AKAP13: variants seen among roughly 807,000 people sequenced by gnomAD.
AKAP13 encodes A-kinase anchor protein 13.
A neutral mutation model predicts 264.5 loss-of-function variants in AKAP13; 80 were observed. The observed-to-expected ratio is 0.30, with a 90% CI of 0.25 to 0.36. The LOEUF is 0.36. Ranked by LOEUF, AKAP13 falls within the 10% of genes least tolerant of loss-of-function variation. The pLI, the probability that AKAP13 is intolerant of heterozygous loss-of-function variation, is 1.00. For synonymous variants in AKAP13, 1,380 were observed against 1,250.2 expected (o/e 1.10, Z -2.19); for missense variants, 3,712 against 3,435.2 (o/e 1.08, Z -2.01).
At chr15:85,471,138 C>G (rs531742825) in intron 1 of AKAP13, among the ~76,000 whole-genome samples, 2 of 152,254 alleles carry the variant, frequency 1.3e-5, no homozygotes, top group African/African-American at 4.8e-5. Flanking sequence ...CACAATGACA[C>G]AAAGCATTAC....
Position 85,747,299 on chromosome 15 carries a change from T to C in AKAP13, c.*2622T>C, listed in dbSNP as rs894378158. 1.3e-5 allele frequency: 2 copies of C among 152,416 alleles called. No homozygotes were observed. Among genetic ancestry groups the C allele is most frequent in the African/African-American group, 4.8e-5 (2 of 41,460 alleles). 9.4% of individuals were successfully genotyped at this position (152,416 alleles called of 1,614,324 possible). A position where few individuals can be genotyped will look rare whatever the true frequency, so the allele number is the denominator to read the frequency against. On this transcript the variant is annotated 3_prime_UTR_variant, in exon 37 of 37. Transcript: ENST00000394518. ...TGTCCTGGGGATTTACCTGGGATGGTGGCTGCCTGTGCTTTTGCTCATGGC... is the reference window on the plus strand; with the variant it reads ...TGTCCTGGGGATTTACCTGGGATGGCGGCTGCCTGTGCTTTTGCTCATGGC...
chr15:85,636,098 T>C (rs2082060342), intron 8 of AKAP13, among the ~76,000 whole-genome samples: 1 of 152,220 alleles, frequency 6.6e-6, no homozygotes, highest in South Asian at 2.1e-4. Context: ...AACAATGTTT[T>C]ATAAAGGTTT....
intron 4 of AKAP13, chr15:85,534,966 T>G (rs1447938784): frequency 6.6e-6 from 1 of 152,190 alleles, no homozygotes; most frequent in Non-Finnish European, 1.5e-5. Flanking sequence ...ACCAAAATGT[T>G]TATTACTGAT....
In AKAP13 at chr15:85,679,022, C is replaced by T. The variant is rs139284593; in HGVS notation, c.5102-3136C>T. Among the ~76,000 whole-genome samples, 562 of 152,014 alleles carry T rather than the reference C, an allele frequency of 3.7e-3. 3 individuals carry two copies. Among genetic ancestry groups the T allele is most frequent in the Non-Finnish European group, 5.9e-3 (403 of 67,956 alleles). On this transcript the variant is annotated intron_variant, in intron 14 of 36. Coordinates refer to ENST00000394518, the MANE Select transcript of AKAP13 (RefSeq NM_007200.5). ...TTGGGAGACTGAGGTGGGCGGATCA[C>T]GAGGTCGGGAGTTCAAGACCAGTCT...
At chr15:85,432,870 G>A (rs1417267323) in intron 1 of AKAP13, among the ~76,000 whole-genome samples, 1 of 151,922 alleles carries the variant, frequency 6.6e-6, no homozygotes, top group Non-Finnish European at 1.5e-5. Context: ...AAAGGTGGTG[G>A]TGGTGGGATT....
At chr15:85,561,259 C>T (rs554043582) in intron 5 of AKAP13, among the ~76,000 whole-genome samples, 1 of 151,918 alleles carries the variant, frequency 6.6e-6, no homozygotes, top group African/African-American at 2.4e-5. Context: ...GGTTTCACCG[C>T]ATTGGCCAGG....
At chr15:85,408,514 T>C (rs1271437249) in intron 1 of AKAP13, among the ~76,000 whole-genome samples, 1 of 151,704 alleles carries the variant, frequency 6.6e-6, no homozygotes, top group Non-Finnish European at 1.5e-5. Flanking sequence ...GCAAATACTT[T>C]TCTACTTCCT....
At chr15:85,442,015 ACT>A (rs990949607) in intron 1 of AKAP13, among the ~76,000 whole-genome samples, 1 of 151,994 alleles carries the variant, frequency 6.6e-6, no homozygotes, top group Admixed American at 6.6e-5. Flanking sequence ...TAAGAAGGTG[ACT>A]CTGTTATCCT....
In AKAP13 at chr15:85,650,187, C is replaced by T. The variant is rs117385821; in HGVS notation, c.4374+4233C>T. Among the ~76,000 whole-genome samples, 685 of 152,228 alleles carry T rather than the reference C, an allele frequency of 4.5e-3. 2 individuals are homozygous for T. Among genetic ancestry groups the T allele is most frequent in the Admixed American group, 6.9e-3 (105 of 15,302 alleles). On this transcript the variant is annotated intron_variant, in intron 10 of 36. Coordinates refer to ENST00000394518, the MANE Select transcript of AKAP13 (RefSeq NM_007200.5). ...GTTCACACTTGTAATCCCAACACTT[C>T]GGGAGGCTGAAGTGGGAGGACTGCT... is the stretch of plus-strand genomic sequence containing the variant.
At position 85,723,250 on chromosome 15, in the gene AKAP13, A is replaced by G. The variant is rs775983161; in HGVS notation, c.6675A>G (p.Glu2225=). The G allele has an allele frequency of 1.5e-5, 24 of 1,614,170 alleles. No homozygotes were observed. The highest frequency in any genetic ancestry group is 1.9e-5 in the Non-Finnish European group (22 of 1,180,004). ...RMKSGQMFAK[E]DLKRKKLVRD... ...AGAGTGGTCAGATGTTTGCCAAGGAAGATTTGAAACGGAAGAAGCTTGTAC... is the reference window on the plus strand; with the variant it reads ...AGAGTGGTCAGATGTTTGCCAAGGAGGATTTGAAACGGAAGAAGCTTGTAC... The change falls in exon 26 of 37, where the codon GAA becomes GAG. Residue 2225 remains glutamate, a synonymous_variant. Coordinates refer to ENST00000394518, the MANE Select transcript of AKAP13 (RefSeq NM_007200.5).
At chr15:85,486,874 G>T (rs764140703) in intron 2 of AKAP13, among the ~76,000 whole-genome samples, 11 of 151,592 alleles carry the variant, frequency 7.3e-5, no homozygotes, top group Non-Finnish European at 1.3e-4. Context: ...AAGTAGCTGG[G>T]ACTATAGGTG....
intron 5 of AKAP13, among the ~76,000 whole-genome samples, chr15:85,571,961 T>G (rs1313989319): frequency 1.3e-5 from 2 of 152,270 alleles, no homozygotes; most frequent in East Asian, 3.9e-4. Flanking sequence ...TGGAGGTAAT[T>G]GTGACAACAA....
chr15:85,706,747 C>T (rs895766805), intron 17 of AKAP13, among the ~76,000 whole-genome samples: 1 of 152,284 alleles, frequency 6.6e-6, no homozygotes, highest in South Asian at 2.1e-4. Flanking sequence ...GAAGATTCAG[C>T]AGTGGGTGAA....
At chr15:85,382,539 G>A (rs2070337512) in intron 1 of AKAP13, among the ~76,000 whole-genome samples, 1 of 152,184 alleles carries the variant, frequency 6.6e-6, no homozygotes, top group African/African-American at 2.4e-5. Flanking sequence ...TTGTCAGGGA[G>A]GGACATAATG....
chr15:85,421,148 T>C (rs2072501872), intron 1 of AKAP13, among the ~76,000 whole-genome samples: 2 of 152,222 alleles, frequency 1.3e-5, no homozygotes, highest in African/African-American at 4.8e-5. Context: ...CAAGCAACTA[T>C]TTTGTGAAAT....
chr15:85,432,674 T>C (rs1215072160), intron 1 of AKAP13, among the ~76,000 whole-genome samples: 2 of 152,220 alleles, frequency 1.3e-5, no homozygotes, highest in African/African-American at 4.8e-5. Context: ...AATTGACTTT[T>C]ATGAAGCTAA....
At chr15:85,664,510 T>C in intron 12 of AKAP13, 53 bp from the exon 13 acceptor site, 9 of 1,531,678 alleles carry the variant, frequency 5.9e-6, no homozygotes, top group South Asian at 1.3e-5. Context: ...GTGTCCTCCT[T>C]TGTTTTTGAG....
intron 5 of AKAP13, among the ~76,000 whole-genome samples, chr15:85,551,873 G>A (rs565964255): frequency 1.3e-5 from 2 of 152,308 alleles, no homozygotes; most frequent in East Asian, 3.9e-4. Flanking sequence ...AAAGCTACAT[G>A]TGATTTTTAC....
chr15:85,469,822 G>A (rs796261918), intron 1 of AKAP13, among the ~76,000 whole-genome samples: 1 of 152,184 alleles, frequency 6.6e-6, no homozygotes, highest in Non-Finnish European at 1.5e-5. Flanking sequence ...ATGCCATGTC[G>A]ATACAGAACT....
Sources: allele counts gnomAD v4.1 joint callset (sites outside exome capture counted in the v4.1 genomes callset), GRCh38; gene constraint gnomAD v4.1.1; transcripts MANE v1.5; gene names NCBI Gene and HGNC (gene_info 2026-07-23, HGNC 2026-07-21).